The following ATF6 variants were observed in gnomAD, a reference collection of about 807,000 sequenced individuals.
The protein encoded by ATF6 is activating transcription factor 6.
Under a neutral mutation model 83.6 loss-of-function variants are expected in ATF6, and 53 were observed. The ratio of observed to expected loss-of-function variants is 0.63; its 90% CI spans 0.51 to 0.80. ATF6 has a LOEUF of 0.80. ATF6 is among the 30% of genes least tolerant of loss of function. The pLI is 0.00. For synonymous variants in ATF6, 288 were observed against 285.8 expected, an observed-to-expected ratio of 1.01 and a Z score of -0.08; for missense variants, 744 against 797.9, an observed-to-expected ratio of 0.93 and a Z score of 0.81.
intron 6 of ATF6, among the ~76,000 whole-genome samples, chr1:161,796,086 C>CCTT (rs10664443): frequency 0.14 from 21,964 of 152,132 alleles, 2,147 homozygotes; most frequent in East Asian, 0.31. Flanking sequence ...TCTTCCATCT[C>CCTT]CTTTGTGTGA....
intron 14 of ATF6, among the ~76,000 whole-genome samples, chr1:161,908,576 A>G (rs1324245932): frequency 1.3e-5 from 2 of 149,604 alleles, no homozygotes; most frequent in Admixed American, 1.3e-4. Flanking sequence ...TAAGAGTAAC[A>G]ATACATTGAT....
chr1:161,868,191 T>C (rs993422811), intron 14 of ATF6, among the ~76,000 whole-genome samples: 1 of 152,186 alleles, frequency 6.6e-6, no homozygotes, highest in African/African-American at 2.4e-5. Flanking sequence ...TGATTCATAC[T>C]CCTCAAACAC....
At chr1:161,837,080 G>A (rs1165742647) in intron 9 of ATF6, among the ~76,000 whole-genome samples, 2 of 152,030 alleles carry the variant, frequency 1.3e-5, no homozygotes, top group African/African-American at 4.8e-5. Context: ...AATATAGCTG[G>A]GTGGAATCAT....
intron 14 of ATF6, among the ~76,000 whole-genome samples, chr1:161,894,928 G>A (rs1406844436): frequency 1.3e-5 from 2 of 150,756 alleles, no homozygotes; most frequent in African/African-American, 4.9e-5. Flanking sequence ...AGATAACTGT[G>A]TGATCAATTT....
In ATF6 at chr1:161,851,768, G is replaced by A; in HGVS notation, c.1366G>A (p.Glu456Lys). 1 of 1,613,902 alleles carries A rather than the reference G, an allele frequency of 6.2e-7. No homozygotes were observed. Among genetic ancestry groups the A allele is most frequent in the Non-Finnish European group, 8.5e-7 (1 of 1,179,840 alleles). ...TGACAAAGCCCTGATGGTGCTAACT[G>A]AAGAACCATTGCTTTACATTCCTCC... ...SNDKALMVLT[E>K]EPLLYIPPPP... is the part of the protein sequence containing the mutation. Residue 456 changes from glutamate (E) to lysine (K), a missense_variant, in exon 11 of 16, where the codon GAA becomes AAA. Glu to Lys is a moderately conservative substitution (Grantham distance 56). Transcript: ENST00000367942.
chr1:161,955,006 TTAAG>T (rs1204393442), intron 15 of ATF6, among the ~76,000 whole-genome samples: 2 of 152,188 alleles, frequency 1.3e-5, no homozygotes, highest in African/African-American at 4.8e-5. Flanking sequence ...TCTTTTTTCA[TTAAG>T]TATACATTTA....
intron 14 of ATF6, among the ~76,000 whole-genome samples, chr1:161,903,372 G>T (rs1687826828): frequency 6.6e-6 from 1 of 152,164 alleles, no homozygotes; most frequent in African/African-American, 2.4e-5. Context: ...GATGGAGAGA[G>T]ACCAAATCAG....
At chr1:161,931,768 A>G (rs1688438797) in intron 15 of ATF6, among the ~76,000 whole-genome samples, 1 of 152,198 alleles carries the variant, frequency 6.6e-6, no homozygotes, top group South Asian at 2.1e-4. Context: ...TCTTCTAGGT[A>G]CAAGTCACTT....
chr1:161,873,028 C>T (rs1558005526), intron 14 of ATF6, among the ~76,000 whole-genome samples: 1 of 151,424 alleles, frequency 6.6e-6, no homozygotes, highest in Admixed American at 6.6e-5. Flanking sequence ...AGTCATTGTT[C>T]CTCCTCTGTA....
chr1:161,812,084 A>C (rs973325375), intron 7 of ATF6, among the ~76,000 whole-genome samples: 2 of 152,198 alleles, frequency 1.3e-5, no homozygotes, highest in Non-Finnish European at 1.5e-5. Context: ...TATTGCTAAG[A>C]TGGCTAATAT....
At chr1:161,807,100 T>A (rs964204428) in intron 7 of ATF6, among the ~76,000 whole-genome samples, 2 of 152,114 alleles carry the variant, frequency 1.3e-5, no homozygotes, top group Non-Finnish European at 2.9e-5. Context: ...AACTGAACCT[T>A]GAGAATGGCC....
intron 15 of ATF6, among the ~76,000 whole-genome samples, chr1:161,920,612 GTTT>G (rs755298186): frequency 1.8e-4 from 28 of 151,846 alleles, no homozygotes; most frequent in Non-Finnish European, 3.2e-4. Flanking sequence ...TTTTTTGTTT[GTTT>G]TATTATATTG....
intron 14 of ATF6, among the ~76,000 whole-genome samples, chr1:161,873,481 C>T (rs1038199723): frequency 2.0e-5 from 3 of 151,492 alleles, no homozygotes; most frequent in Non-Finnish European, 4.4e-5. Context: ...GTCATTTCCT[C>T]CCCTCTCCTA....
intron 14 of ATF6, among the ~76,000 whole-genome samples, chr1:161,901,973 CA>C (rs956534397): frequency 1.3e-5 from 2 of 152,014 alleles, no homozygotes; most frequent in African/African-American, 4.8e-5. Context: ...TATACAATGT[CA>C]AAAAATCACA....
intron 14 of ATF6, among the ~76,000 whole-genome samples, chr1:161,879,490 G>A (rs1687282200): frequency 6.6e-6 from 1 of 152,114 alleles, no homozygotes; most frequent in Non-Finnish European, 1.5e-5. Flanking sequence ...ACAATATGGT[G>A]TGATGGTTGT....
chr1:161,902,710 A>G (rs1284795453), intron 14 of ATF6, among the ~76,000 whole-genome samples: 1 of 152,230 alleles, frequency 6.6e-6, no homozygotes, highest in East Asian at 1.9e-4. Context: ...GTTGTAGTAG[A>G]TCCTGGGGAT....
chr1:161,901,234 A>T (rs895790982), intron 14 of ATF6, among the ~76,000 whole-genome samples: 2 of 152,136 alleles, frequency 1.3e-5, no homozygotes, highest in Non-Finnish European at 2.9e-5. Flanking sequence ...GGTGATGCTG[A>T]GGTTTAGGGT....
chr1:161,781,146 C>A (rs1397715585), intron 2 of ATF6, among the ~76,000 whole-genome samples: 1 of 152,162 alleles, frequency 6.6e-6, no homozygotes, highest in East Asian at 1.9e-4. Flanking sequence ...TTATGTGACA[C>A]TTCTTTATTC....
intron 10 of ATF6, 106 bp from the exon 11 acceptor site, chr1:161,851,616 A>G (rs965622557): frequency 3.5e-5 from 24 of 680,054 alleles, no homozygotes; most frequent in Non-Finnish European, 5.2e-5. Context: ...TCTGTTTACT[A>G]TATTTTTGTT....
Sources: allele counts gnomAD v4.1 joint callset (sites outside exome capture counted in the v4.1 genomes callset), GRCh38; gene constraint gnomAD v4.1.1; transcripts MANE v1.5; gene names NCBI Gene and HGNC (gene_info 2026-07-23, HGNC 2026-07-21).